SLC24A4: variants seen among roughly 807,000 people sequenced by gnomAD.
SLC24A4 encodes the protein solute carrier family 24 member 4, also known as sodium/potassium/calcium exchanger 4.
SLC24A4 carries 53 observed loss-of-function variants against 79.0 expected under a neutral mutation model. The observed-to-expected ratio is 0.67, with a 90% CI of 0.54 to 0.84. SLC24A4 has a LOEUF of 0.84. Among genes scored for constraint, SLC24A4 ranks in the 40% least tolerant of loss-of-function variants. The probability of loss-of-function intolerance (pLI) is 0.00; values close to 1 mark genes in which losing one functional copy is unlikely to be tolerated. For missense variants in SLC24A4, 731 were observed against 822.0 expected (o/e 0.89, Z 1.35); for synonymous variants, 323 against 323.8 (o/e 1.00, Z 0.03).
intron 2 of SLC24A4, among the ~76,000 whole-genome samples, chr14:92,377,504 A>G (rs1218197533): frequency 6.6e-6 from 1 of 152,122 alleles, no homozygotes; most frequent in African/African-American, 2.4e-5. Context: ...CATGTAGGAG[A>G]GAGGTGGGAA....
At chr14:92,344,602 C>T (rs1401180237) in intron 2 of SLC24A4, among the ~76,000 whole-genome samples, 2 of 152,252 alleles carry the variant, frequency 1.3e-5, no homozygotes, top group South Asian at 4.2e-4. Context: ...TGACTCCAAT[C>T]TTAGGACCGA....
intron 12 of SLC24A4, among the ~76,000 whole-genome samples, chr14:92,472,411 T>C (rs991887424): frequency 2.6e-5 from 4 of 152,082 alleles, no homozygotes; most frequent in Non-Finnish European, 5.9e-5. Flanking sequence ...TCCCACCCTT[T>C]CCCCCGAGTC....
intron 2 of SLC24A4, among the ~76,000 whole-genome samples, chr14:92,417,138 C>G (rs1307345444): frequency 6.6e-6 from 1 of 152,114 alleles, no homozygotes; most frequent in Non-Finnish European, 1.5e-5. Context: ...TTTACAAGGA[C>G]CATGTACAGT....
At chr14:92,363,251 A>C (rs751950328) in intron 2 of SLC24A4, among the ~76,000 whole-genome samples, 2 of 152,226 alleles carry the variant, frequency 1.3e-5, no homozygotes, top group Non-Finnish European at 2.9e-5. Context: ...AAGACCAACC[A>C]GGTCAGCTTG....
intron 2 of SLC24A4, among the ~76,000 whole-genome samples, chr14:92,375,574 A>G (rs959196396): frequency 2.0e-5 from 3 of 152,264 alleles, no homozygotes; most frequent in East Asian, 3.8e-4. Flanking sequence ...CAGCTGATGA[A>G]TGGATAAATA....
At chr14:92,390,346 C>T (rs565269513) in intron 2 of SLC24A4, among the ~76,000 whole-genome samples, 30 of 152,142 alleles carry the variant, frequency 2.0e-4, no homozygotes, top group Admixed American at 1.6e-3. Flanking sequence ...CAACAGGACC[C>T]GAATTCCCTG....
chr14:92,344,069 A>G (rs1042212812), intron 2 of SLC24A4, among the ~76,000 whole-genome samples: 5 of 152,156 alleles, frequency 3.3e-5, no homozygotes, highest in African/African-American at 9.7e-5. Flanking sequence ...ATCTTCCTGT[A>G]TAGATGGGGA....
At chr14:92,422,265 C>G (rs1343696087) in intron 2 of SLC24A4, among the ~76,000 whole-genome samples, 2 of 152,196 alleles carry the variant, frequency 1.3e-5, no homozygotes, top group Non-Finnish European at 2.9e-5. Flanking sequence ...ATTCCTGGGC[C>G]GTCAGTGGCT....
rs1022703780 is a variant in SLC24A4 at position 92,353,651 on chromosome 14, T to C, written c.241+27673T>C. 6.6e-6 allele frequency among the ~76,000 whole-genome samples: 1 copy of C among 152,218 alleles called. No homozygotes were observed. Among genetic ancestry groups the C allele is most frequent in the African/African-American group, 2.4e-5 (1 of 41,464 alleles). ...CATGAGTGAGGTTGAGCATTTTTCC[T>C]ATTAGAGTCATTTGTGTTCCCTTTC... is the stretch of plus-strand genomic sequence containing the variant. On this transcript the variant is annotated intron_variant, in intron 2 of 16. Coordinates refer to ENST00000532405, the MANE Select transcript of SLC24A4 (RefSeq NM_153646.4). This position sits in a 1 kb window ranked among gnomAD's most constrained non-coding sequence, Gnocchi z 4.1.
chr14:92,428,429 G>A (rs981567646), intron 2 of SLC24A4, among the ~76,000 whole-genome samples: 1 of 152,208 alleles, frequency 6.6e-6, no homozygotes, highest in African/African-American at 2.4e-5. Context: ...TCCCTGAGGG[G>A]GAGGTTCATG....
Position 92,443,407 on chromosome 14 carries a change from G to T in SLC24A4, c.590G>T (p.Arg197Leu), listed in dbSNP as rs778472920. Residue 197 changes from arginine (R) to leucine (L), a missense_variant, in exon 7 of 17, where the codon CGT becomes CTT. Transcript: ENST00000532405. The part of the protein sequence containing the change: ...VCGLFAGQVV[R>L]LTWWAVCRDS... ...ACGGGGCTCTGCTGGCAGGTGGTCC[G>T]TCTGACGTGGTGGGCCGTGTGCCGA... The T allele has an allele frequency of 3.1e-6, 5 of 1,614,140 alleles. No individual in the cohort carries two copies. In the Admixed American group the frequency reaches 8.3e-5, roughly 27 times the overall value.
At chr14:92,393,125 C>A (rs1555365236) in intron 2 of SLC24A4, among the ~76,000 whole-genome samples, 1 of 152,254 alleles carries the variant, frequency 6.6e-6, no homozygotes, top group Non-Finnish European at 1.5e-5. Flanking sequence ...GGAATACACT[C>A]TCACCAGCCA....
intron 2 of SLC24A4, among the ~76,000 whole-genome samples, chr14:92,381,014 C>T (rs1480864877): frequency 2.6e-5 from 4 of 152,126 alleles, no homozygotes; most frequent in Non-Finnish European, 4.4e-5. Flanking sequence ...AGCAGAGATG[C>T]CCACTGGGCC....
chr14:92,377,016 G>T (rs1888550872), intron 2 of SLC24A4, among the ~76,000 whole-genome samples: 1 of 152,200 alleles, frequency 6.6e-6, no homozygotes, highest in South Asian at 2.1e-4. Flanking sequence ...CTCGTGAGGG[G>T]CTCATCACTG....
At chr14:92,424,797 G>A (rs747673903) in intron 2 of SLC24A4, among the ~76,000 whole-genome samples, 8 of 152,060 alleles carry the variant, frequency 5.3e-5, no homozygotes, top group African/African-American at 1.4e-4. Flanking sequence ...CAGGAGGATC[G>A]TTTGAGCCTA....
At position 92,447,503 on chromosome 14, in the gene SLC24A4, A is replaced by G. The variant is rs902786296; in HGVS notation, c.737+79A>G. On this transcript the variant is annotated intron_variant, in intron 9 of 16. Transcript: ENST00000532405. ...TACAGCCTTTTGTGACAGCAGGGAG[A>G]AAAACATCTGTCAGATCTTTGTCCT... 1.1e-5 allele frequency: 15 copies of G among 1,345,080 alleles called. No individual in the cohort carries two copies. The African/African-American group carries it at 1.3e-4, about 12-fold the overall frequency. 83.3% of individuals were successfully genotyped at this position (1,345,080 alleles called of 1,614,324 possible). A position where few individuals can be genotyped will look rare whatever the true frequency, so the allele number is the denominator to read the frequency against.
chr14:92,460,828 C>T (rs890845481), intron 12 of SLC24A4, among the ~76,000 whole-genome samples: 3 of 152,188 alleles, frequency 2.0e-5, no homozygotes, highest in Non-Finnish European at 4.4e-5. Flanking sequence ...CCCCAGATGA[C>T]GGGTCGCTGG....
At chr14:92,358,752 A>C (rs1887327437) in intron 2 of SLC24A4, among the ~76,000 whole-genome samples, 1 of 143,998 alleles carries the variant, frequency 6.9e-6, no homozygotes. Context: ...GCTGGAATGC[A>C]GTGCTCACTG....
In SLC24A4 at chr14:92,452,856, GTGTGCTTT is replaced by G. The variant is rs1893226104; in HGVS notation, c.881-1037_881-1030del. ...GTTTGGTGAGGAGTGTGTGTGTCTG[GTGTGCTTT>G]TGTGCTATTAACTCTTACACGGGTT... On this transcript the variant is annotated intron_variant, in intron 10 of 16. Coordinates refer to ENST00000532405, the MANE Select transcript of SLC24A4 (RefSeq NM_153646.4). The G allele has an allele frequency of 2.0e-5, 3 of 152,368 alleles. No homozygotes were observed. The South Asian group carries it at 6.2e-4, about 32-fold the overall frequency. The allele number at this position is 152,368 out of a possible 1,614,324, so 9.4% of individuals were successfully genotyped here. A position where few individuals can be genotyped will look rare whatever the true frequency, so the allele number is the denominator to read the frequency against.
Sources: allele counts gnomAD v4.1 joint callset (sites outside exome capture counted in the v4.1 genomes callset), GRCh38; gene constraint gnomAD v4.1.1; non-coding constraint Gnocchi (gnomAD v3.1); transcripts MANE v1.5; gene names NCBI Gene and HGNC (gene_info 2026-07-23, HGNC 2026-07-21).